Variants in IQSEC1 observed in about 807,000 individuals in gnomAD.
The protein encoded by IQSEC1 is IQ motif and SEC7 domain-containing protein 1.
Under a neutral mutation model 91.0 loss-of-function variants are expected in IQSEC1, and 31 were observed. The ratio of observed to expected loss-of-function variants is 0.34; its 90% CI spans 0.26 to 0.46. The LOEUF is 0.46. Ranked by LOEUF, IQSEC1 falls within the 20% of genes least tolerant of loss-of-function variation. The pLI is 1.00. For synonymous variants in IQSEC1, 699 were observed against 662.6 expected, an observed-to-expected ratio of 1.05 and a Z score of -0.84; for missense variants, 1,388 against 1,575.6, an observed-to-expected ratio of 0.88 and a Z score of 2.02.
intron 2 of IQSEC1, among the ~76,000 whole-genome samples, chr3:13,129,860 G>A (rs1477492070): frequency 2.6e-5 from 4 of 151,526 alleles, no homozygotes; most frequent in Non-Finnish European, 5.9e-5. Flanking sequence ...GGGTTTCACC[G>A]TGTTAGCCTG....
At chr3:13,279,127 A>G (rs1345053420) in intron 1 of IQSEC1, among the ~76,000 whole-genome samples, 1 of 152,152 alleles carries the variant, frequency 6.6e-6, no homozygotes, top group African/African-American at 2.4e-5. Flanking sequence ...GTGATTTTCA[A>G]TCCCAGCTGG....
intron 1 of IQSEC1, among the ~76,000 whole-genome samples, chr3:13,013,966 T>A (rs768820625): frequency 3.3e-5 from 5 of 152,220 alleles, no homozygotes; most frequent in Admixed American, 6.5e-5. Flanking sequence ...GGGGCTCTGA[T>A]CTGCTCTGTG....
chr3:13,038,262 G>GTATATATATATATATATATATATATA (rs58338571), intron 1 of IQSEC1, among the ~76,000 whole-genome samples: 1 of 101,234 alleles, frequency 9.9e-6, no homozygotes, highest in Non-Finnish European at 1.9e-5. Context: ...GTGTGTGTGT[G>GTATATATATATATATATATATATATA]TATATATATA....
At chr3:12,991,710 G>A (rs1233395465) in intron 1 of IQSEC1, among the ~76,000 whole-genome samples, 1 of 152,322 alleles carries the variant, frequency 6.6e-6, no homozygotes, top group Non-Finnish European at 1.5e-5. Context: ...GGACACTTAG[G>A]TGCTTAGGTC....
chr3:13,210,122 C>T (rs1010299560), intron 1 of IQSEC1, among the ~76,000 whole-genome samples: 2 of 152,154 alleles, frequency 1.3e-5, no homozygotes, highest in African/African-American at 4.8e-5. Flanking sequence ...GGGGAGGCAG[C>T]CCAGCCTGGT....
intron 1 of IQSEC1, among the ~76,000 whole-genome samples, chr3:13,072,094 T>G (rs1016681888): frequency 6.6e-6 from 1 of 152,232 alleles, no homozygotes; most frequent in African/African-American, 2.4e-5. Flanking sequence ...TTCCTAGCCT[T>G]GCGACTGAGC....
intron 1 of IQSEC1, among the ~76,000 whole-genome samples, chr3:13,025,518 G>A (rs376934450): frequency 1.4e-3 from 218 of 152,294 alleles, no homozygotes; most frequent in African/African-American, 4.9e-3. Flanking sequence ...TGGAAGGGGT[G>A]CCCCCTACTC....
chr3:13,105,571 C>T (rs1179632897), intron 2 of IQSEC1, among the ~76,000 whole-genome samples: 1 of 152,170 alleles, frequency 6.6e-6, no homozygotes, highest in East Asian at 1.9e-4. Context: ...ACAAAATCAA[C>T]AGCCTCCATG....
chr3:13,276,911 G>C (rs781518539), intron 1 of IQSEC1, among the ~76,000 whole-genome samples: 3 of 151,868 alleles, frequency 2.0e-5, no homozygotes, highest in Admixed American at 6.6e-5. Context: ...CGCTGAACTC[G>C]GACTGCCTCC....
intron 1 of IQSEC1, among the ~76,000 whole-genome samples, chr3:13,271,954 G>A (rs1695597185): frequency 6.6e-6 from 1 of 152,148 alleles, no homozygotes; most frequent in Non-Finnish European, 1.5e-5. Context: ...TATCAAACAT[G>A]TACAGAACAG....
intron 1 of IQSEC1, among the ~76,000 whole-genome samples, chr3:13,001,995 G>A (rs187633362): frequency 1.3e-5 from 2 of 152,078 alleles, no homozygotes; most frequent in African/African-American, 2.4e-5. Context: ...GAGGCAGGGT[G>A]GGGGGTGGCA....
chr3:13,172,814 G>C (rs1216319141), intron 1 of IQSEC1, among the ~76,000 whole-genome samples: 2 of 152,182 alleles, frequency 1.3e-5, no homozygotes, highest in African/African-American at 4.8e-5. Context: ...GGTGAGCTCT[G>C]CCGCCTCCCA....
chr3:13,099,047 G>A (rs1243315834), intron 2 of IQSEC1, among the ~76,000 whole-genome samples: 1 of 152,238 alleles, frequency 6.6e-6, no homozygotes, highest in Non-Finnish European at 1.5e-5. Flanking sequence ...CGGGGGATGG[G>A]GGGAACAGGC....
chr3:13,152,028 A>C (rs926649845), intron 2 of IQSEC1, among the ~76,000 whole-genome samples: 1 of 152,194 alleles, frequency 6.6e-6, no homozygotes, highest in East Asian at 1.9e-4. Context: ...TATTCCTCAT[A>C]AGTCAGACTC....
chr3:13,151,498 G>A (rs1318307376), intron 2 of IQSEC1, among the ~76,000 whole-genome samples: 1 of 152,230 alleles, frequency 6.6e-6, no homozygotes, highest in Non-Finnish European at 1.5e-5. Flanking sequence ...TGACAGGTCA[G>A]GGAAGTAGGG....
chr3:12,941,028 G>A (rs976299431), intron 2 of IQSEC1, among the ~76,000 whole-genome samples: 2 of 152,204 alleles, frequency 1.3e-5, no homozygotes, highest in African/African-American at 4.8e-5. Flanking sequence ...TCAATGAGGG[G>A]ATTTCCCACA....
intron 1 of IQSEC1, among the ~76,000 whole-genome samples, chr3:13,236,493 G>A (rs967483351): frequency 7.2e-5 from 11 of 152,208 alleles, no homozygotes; most frequent in African/African-American, 2.7e-4. Context: ...TCCTAAGGGT[G>A]CTCCAAACTT....
chr3:12,946,443 A>G (rs1699186494), intron 1 of IQSEC1, among the ~76,000 whole-genome samples: 1 of 152,202 alleles, frequency 6.6e-6, no homozygotes, highest in Admixed American at 6.5e-5. Context: ...GGAACATCCT[A>G]TGAGCGTTAG....
intron 1 of IQSEC1, among the ~76,000 whole-genome samples, chr3:13,269,744 G>A (rs183745475): frequency 1.0e-3 from 153 of 152,366 alleles, no homozygotes; most frequent in African/African-American, 3.4e-3. Context: ...TGAAACTTCC[G>A]CAGCCTTGAC....
Sources: allele counts gnomAD v4.1 joint callset (sites outside exome capture counted in the v4.1 genomes callset), GRCh38; gene constraint gnomAD v4.1.1; transcripts MANE v1.5; gene names NCBI Gene and HGNC (gene_info 2026-07-23, HGNC 2026-07-21).